The following RET variants were observed in gnomAD, a reference collection of about 807,000 sequenced individuals.
RET encodes the protein ret proto-oncogene.
Under a neutral mutation model 118.3 loss-of-function variants are expected in RET, and 19 were observed. The observed-to-expected ratio is 0.16, with a 90% CI of 0.11 to 0.24. The LOEUF (loss-of-function observed/expected upper bound fraction) is 0.24. Among genes scored for constraint, RET ranks in the 10% least tolerant of loss-of-function variants. The pLI is 1.00. For missense variants in RET, 1,219 were observed against 1,502.1 expected, an observed-to-expected ratio of 0.81 and a Z score of 3.12; for synonymous variants, 597 against 644.1, an observed-to-expected ratio of 0.93 and a Z score of 1.11.
intron 16 of RET, among the ~76,000 whole-genome samples, chr10:43,122,332 C>G (rs752970746): frequency 3.9e-5 from 6 of 152,180 alleles, no homozygotes; most frequent in Non-Finnish European, 8.8e-5. Context: ...CTTGGTGACT[C>G]AGGCCCAGCC....
rs794727131 is a variant in RET at position 43,119,592 on chromosome 10, G to A, written c.2454G>A (p.Glu818=). The change falls in exon 14 of 20, where the codon GAG becomes GAA. Residue 818 remains glutamate (E), a synonymous_variant. Coordinates refer to ENST00000355710, the MANE Select transcript of RET (RefSeq NM_020975.6). Reference sequence around the variant, plus strand: ...GCTCCCTGCGGGGCTTCCTCCGCGAGAGCCGCAAAGTGGGGCCTGGCTACC... The same window carrying A: ...GCTCCCTGCGGGGCTTCCTCCGCGAAAGCCGCAAAGTGGGGCCTGGCTACC... ...KYGSLRGFLR[E]SRKVGPGYLG... is the part of the protein sequence containing the mutation. 2 of 1,612,206 alleles carry A rather than the reference G, an allele frequency of 1.2e-6. No individual in the cohort carries two copies. Among genetic ancestry groups the A allele is most frequent in the Non-Finnish European group, 1.7e-6 (2 of 1,179,882 alleles).
chr10:43,108,345 A>G (rs1837832280), intron 5 of RET, among the ~76,000 whole-genome samples: 1 of 152,204 alleles, frequency 6.6e-6, no homozygotes. Flanking sequence ...AACCAATGTT[A>G]TGGTTTGTAG....
chr10:43,108,167 G>A (rs1485058255), intron 5 of RET, among the ~76,000 whole-genome samples: 3 of 150,080 alleles, frequency 2.0e-5, no homozygotes, highest in African/African-American at 7.4e-5. Flanking sequence ...GCAACATGGT[G>A]AAACCCTGTC....
At chr10:43,123,638 G>A in intron 16 of RET, 33 bp from the exon 17 acceptor site, 1 of 1,613,856 alleles carries the variant, frequency 6.2e-7, no homozygotes, top group African/African-American at 1.3e-5. Flanking sequence ...AGGGCCAGGT[G>A]GAGCCACTCA....
intron 3 of RET, among the ~76,000 whole-genome samples, chr10:43,103,444 CAG>C (rs1837687198): frequency 6.6e-6 from 1 of 152,058 alleles, no homozygotes; most frequent in Admixed American, 6.5e-5. Context: ...TGCAGCCAGT[CAG>C]AGGGTGGGAT....
chr10:43,104,699 C>G (rs1034816669), intron 3 of RET: 1 of 610,654 alleles, frequency 1.6e-6, no homozygotes. Flanking sequence ...CCAACCAGCA[C>G]GAGTGAGGAC....
rs78833489 is a variant in RET, at chr10:43,085,854, C to G, written c.73+8523C>G. Among the ~76,000 whole-genome samples the G allele has an allele frequency of 5.3e-5, 8 of 152,258 alleles. No homozygotes were observed. In the East Asian group the frequency reaches 1.5e-3, roughly 29 times the overall value. ...CAGCATCCAGATGCAGGTGGTGCCCCCGCATCGGGCTGCCTGGCTGTGACC... is the reference window on the plus strand; with the variant it reads ...CAGCATCCAGATGCAGGTGGTGCCCGCGCATCGGGCTGCCTGGCTGTGACC... On this transcript the variant is annotated intron_variant, in intron 1 of 19. Coordinates refer to ENST00000355710, the MANE Select transcript of RET (RefSeq NM_020975.6).
intron 16 of RET, among the ~76,000 whole-genome samples, chr10:43,122,904 C>T (rs537505800): frequency 2.6e-5 from 4 of 152,330 alleles, no homozygotes; most frequent in Admixed American, 2.6e-4. Flanking sequence ...GCCACCACGC[C>T]TGGCCAACAT....
rs73266201 is a variant in RET, at chr10:43,086,662, A to G, written c.73+9331A>G. On this transcript the variant is annotated intron_variant, in intron 1 of 19. Coordinates refer to ENST00000355710, the MANE Select transcript of RET (RefSeq NM_020975.6). The stretch of plus-strand genomic sequence containing the variant: ...GTCCTGTTCAGCCAGGCCTTGCCCT[A>G]GGAAAGAAATTAATTATAACCTAAT... Among the ~76,000 whole-genome samples the G allele has an allele frequency of 0.02, 3,068 of 152,372 alleles. 110 individuals carry two copies. The highest frequency in any genetic ancestry group is 0.069 in the African/African-American group (2,866 of 41,574).
chr10:43,118,871 G>C (rs1392246907), intron 13 of RET, among the ~76,000 whole-genome samples: 1 of 152,226 alleles, frequency 6.6e-6, no homozygotes, highest in East Asian at 1.9e-4. Context: ...TGTGACCTCA[G>C]GTGACCCCAG....
intron 1 of RET, among the ~76,000 whole-genome samples, chr10:43,078,339 C>A (rs1479240500): frequency 6.6e-6 from 1 of 152,240 alleles, no homozygotes; most frequent in Non-Finnish European, 1.5e-5. Flanking sequence ...TCTCTCCCCA[C>A]AGCCTTTGGG....
Position 43,116,845 on chromosome 10 carries a change from CG to C in RET, c.2284+116del. On this transcript the variant is annotated intron_variant, in intron 12 of 19. Coordinates refer to ENST00000355710, the MANE Select transcript of RET (RefSeq NM_020975.6). ...AAGAGCCCCCAATGCTGTTCTAGAG[CG>C]GCTGCAGTTGGGGGACCCCTACCAT... The C allele has an allele frequency of 8.1e-6, 11 of 1,353,194 alleles. No individual in the cohort carries two copies. In the South Asian group the frequency reaches 1.5e-4, roughly 19 times the overall value. 83.8% of individuals were successfully genotyped at this position (1,353,194 alleles called of 1,614,324 possible). A position where few individuals can be genotyped will look rare whatever the true frequency, so the allele number is the denominator to read the frequency against.
chr10:43,077,367 A>G (rs1339001742), intron 1 of RET, 36 bp downstream of exon 1: 1 of 1,498,556 alleles, frequency 6.7e-7, no homozygotes, highest in Non-Finnish European at 8.9e-7. Context: ...CGCAGGGGCC[A>G]GGGCGAAGTT....
chr10:43,088,447 GT>G (rs1297319890), intron 1 of RET, among the ~76,000 whole-genome samples: 1 of 152,020 alleles, frequency 6.6e-6, no homozygotes, highest in Non-Finnish European at 1.5e-5. Context: ...GGAGGCAGTG[GT>G]AGTAGTGGAG....
At chr10:43,080,819 T>A (rs1837163533) in intron 1 of RET, among the ~76,000 whole-genome samples, 1 of 152,222 alleles carries the variant, frequency 6.6e-6, no homozygotes, top group South Asian at 2.1e-4. Context: ...CGACTGTGTG[T>A]GCTCTGTGGA....
chr10:43,081,621 C>G (rs559924585), intron 1 of RET, among the ~76,000 whole-genome samples: 2 of 152,304 alleles, frequency 1.3e-5, no homozygotes, highest in South Asian at 2.1e-4. Context: ...CTTCTGTGCC[C>G]CATGGGGTAG....
Position 43,106,661 on chromosome 10 carries a change from C to T in RET, c.1063+90C>T. On this transcript the variant is annotated intron_variant, in intron 5 of 19. Transcript: ENST00000355710. The surrounding 1 kb of genome is among the most constrained non-coding windows in gnomAD (Gnocchi z 5.1). ...GCAAGCAGCACCCTACACACATGCA[C>T]ACCTGGCATGGCCCTCTGTGGCCCA... The T allele has an allele frequency of 7.5e-7, 1 of 1,333,334 alleles. No homozygotes were observed. The highest frequency in any genetic ancestry group is 1.0e-6 in the Non-Finnish European group (1 of 952,830). The allele number at this position is 1,333,334 out of a possible 1,614,324, so 82.6% of individuals were successfully genotyped here. A position where few individuals can be genotyped will look rare whatever the true frequency, so the allele number is the denominator to read the frequency against.
chr10:43,088,493 G>A (rs968960271), intron 1 of RET, among the ~76,000 whole-genome samples: 14 of 152,056 alleles, frequency 9.2e-5, no homozygotes, highest in East Asian at 1.9e-4. Flanking sequence ...AGGCAGTGGC[G>A]GGGAAGGTGG....
chr10:43,090,745 C>T (rs1471810805), intron 1 of RET, among the ~76,000 whole-genome samples: 3 of 151,310 alleles, frequency 2.0e-5, no homozygotes, highest in Admixed American at 1.3e-4. Context: ...CGCACCCAGG[C>T]GCATGCAGCA....
Sources: allele counts gnomAD v4.1 joint callset (sites outside exome capture counted in the v4.1 genomes callset), GRCh38; gene constraint gnomAD v4.1.1; non-coding constraint Gnocchi (gnomAD v3.1); transcripts MANE v1.5; gene names NCBI Gene and HGNC (gene_info 2026-07-23, HGNC 2026-07-21).